CLCN5: variants seen among roughly 807,000 people sequenced by gnomAD.
CLCN5 encodes the protein H(+)/Cl(-) exchange transporter 5.
Under a neutral mutation model 54.0 loss-of-function variants are expected in CLCN5, and 17 were observed. The observed-to-expected ratio is 0.31, with a 90% CI of 0.22 to 0.47. CLCN5 has a LOEUF of 0.47. Ranked by LOEUF, CLCN5 falls within the 20% of genes least tolerant of loss-of-function variation. CLCN5 has a pLI of 1.00. For synonymous variants in CLCN5, 222 were observed against 233.0 expected (o/e 0.95, Z 0.43); for missense variants, 448 against 646.7 (o/e 0.69, Z 3.33).
intron 4 of CLCN5, among the ~76,000 whole-genome samples, chrX:50,048,193 G>A (rs1289477108): frequency 2.7e-5 from 3 of 112,134 alleles, no homozygotes; most frequent in African/African-American, 9.7e-5. Context: ...TACATCCCTC[G>A]CATGCGCAGT....
chrX:50,084,325 G>A (rs1933814882), intron 9 of CLCN5, among the ~76,000 whole-genome samples: 1 of 111,847 alleles, frequency 8.9e-6, no homozygotes, highest in Non-Finnish European at 1.9e-5. Flanking sequence ...GTCCATCATT[G>A]ACTGAAACGT....
intron 3 of CLCN5, among the ~76,000 whole-genome samples, chrX:49,975,587 A>G (rs1381596185): frequency 9.0e-6 from 1 of 110,635 alleles, no homozygotes; most frequent in Non-Finnish European, 1.9e-5. Context: ...CCTTTTGTCT[A>G]GCCAACTCCT....
At chrX:49,946,823 C>CT (rs111813141) in intron 3 of CLCN5, among the ~76,000 whole-genome samples, 5 of 109,109 alleles carry the variant, frequency 4.6e-5, no homozygotes, top group Admixed American at 9.7e-5. Context: ...TTTTCTTTTT[C>CT]TTTTTTTTTA....
At chrX:49,952,804 A>G (rs1426571662) in intron 3 of CLCN5, among the ~76,000 whole-genome samples, 2 of 112,175 alleles carry the variant, frequency 1.8e-5, no homozygotes, top group East Asian at 5.5e-4. Context: ...ATAAGAAACA[A>G]CAAATTTTAA....
At chrX:49,937,962 T>A (rs1194985567) in intron 3 of CLCN5, among the ~76,000 whole-genome samples, 1 of 111,167 alleles carries the variant, frequency 9.0e-6, no homozygotes, top group East Asian at 2.8e-4. Flanking sequence ...TCTAGCTCAG[T>A]CTCCCCCAAA....
At chrX:49,995,534 A>C (rs1602024271) in intron 3 of CLCN5, among the ~76,000 whole-genome samples, 2 of 111,872 alleles carry the variant, frequency 1.8e-5, no homozygotes, top group East Asian at 5.6e-4. Flanking sequence ...TGAGCGAGTC[A>C]TAGCAGAGAC....
chrX:50,047,553 C>T (rs1326720331), intron 4 of CLCN5, among the ~76,000 whole-genome samples: 3 of 110,766 alleles, frequency 2.7e-5, no homozygotes, highest in Non-Finnish European at 3.8e-5. Context: ...CTAATTTTTC[C>T]CCCACTTACT....
rs34800648 is a variant in CLCN5 at position 50,080,626 on chromosome X, G to C, written c.636G>C (p.Met212Ile). The change falls in exon 8 of 15, where the codon ATG becomes ATC. Residue 212 changes from methionine to isoleucine, a missense_variant. Around this residue, in one of 5 missense-constraint regions of CLCN5, gnomAD observed 40 missense variants for 27.8 expected, o/e 1.44. Coordinates refer to ENST00000376091, the MANE Select transcript of CLCN5 (RefSeq NM_001127898.4). ...GAFAYIVNYFMYVLWALLFAF... is the reference protein window; with the variant it reads ...GAFAYIVNYFIYVLWALLFAF... ...TTGCCTACATAGTCAATTATTTCAT[G>C]TACGTCCTCTGGGCTCTCCTATTTG... 1.7e-6 allele frequency: 2 copies of C among 1,206,859 alleles called. No individual in the cohort carries two copies. The highest frequency in any genetic ancestry group is 2.2e-6 in the Non-Finnish European group (2 of 892,248).
intron 3 of CLCN5, among the ~76,000 whole-genome samples, chrX:50,035,024 T>G (rs1931924461): frequency 9.0e-6 from 1 of 111,521 alleles, no homozygotes; most frequent in Non-Finnish European, 1.9e-5. Flanking sequence ...TATCCATTTG[T>G]TCATAGACAC....
At chrX:49,965,806 G>T (rs1443827275) in intron 3 of CLCN5, among the ~76,000 whole-genome samples, 2 of 111,798 alleles carry the variant, frequency 1.8e-5, no homozygotes, top group Non-Finnish European at 3.8e-5. Context: ...TTACTGAGAG[G>T]TATTTTAAAA....
intron 4 of CLCN5, among the ~76,000 whole-genome samples, chrX:50,064,566 G>A (rs1222743141): frequency 3.4e-4 from 33 of 96,688 alleles, no homozygotes; most frequent in Non-Finnish European, 2.7e-4. Flanking sequence ...AATCAATATC[G>A]TGAAAATGGC....
chrX:50,038,592 G>A (rs1219711320), intron 3 of CLCN5, among the ~76,000 whole-genome samples: 2 of 112,030 alleles, frequency 1.8e-5, no homozygotes, highest in Admixed American at 9.4e-5. Flanking sequence ...AGAGTGTCAA[G>A]ATCATGAACC....
chrX:49,946,000 G>A lies in CLCN5; in HGVS notation c.16+20686G>A, dbSNP rs187722602. 1.3e-4 allele frequency among the ~76,000 whole-genome samples: 14 copies of A among 110,188 alleles called. No individual in the cohort carries two copies. The East Asian group carries it at 3.4e-3, about 27-fold the overall frequency. On this transcript the variant is annotated intron_variant, in intron 3 of 14. Transcript: ENST00000376091. ...TTGAACTCCTGAGCTCAAGCAATCCGCCCACCTCGGCCTCCCAAAGTGCTA... is the reference window on the plus strand; with the variant it reads ...TTGAACTCCTGAGCTCAAGCAATCCACCCACCTCGGCCTCCCAAAGTGCTA...
intron 3 of CLCN5, among the ~76,000 whole-genome samples, chrX:50,014,937 G>A (rs1425677057): frequency 2.7e-5 from 3 of 111,533 alleles, no homozygotes; most frequent in Non-Finnish European, 5.6e-5. Context: ...GGTGGTGGGC[G>A]GGAACCAGAG....
intron 3 of CLCN5, among the ~76,000 whole-genome samples, chrX:49,985,375 G>A (rs781988012): frequency 8.9e-6 from 1 of 111,792 alleles, no homozygotes; most frequent in East Asian, 2.8e-4. Flanking sequence ...ATGTCTTTGT[G>A]TTTGACTATA....
chrX:49,927,991 T>A (rs1925436763), intron 3 of CLCN5, among the ~76,000 whole-genome samples: 1 of 111,998 alleles, frequency 8.9e-6, no homozygotes. Context: ...AATGGTGGTT[T>A]CCAGAGGCTG....
chrX:49,947,231 C>T (rs1926806326), intron 3 of CLCN5, among the ~76,000 whole-genome samples: 1 of 111,708 alleles, frequency 9.0e-6, no homozygotes, highest in South Asian at 3.8e-4. Flanking sequence ...TTTTCATCTA[C>T]TTACAAAGAT....
rs781890082 is a variant in CLCN5, at chrX:50,002,159, C to CG, written c.17-40157_17-40156insG. On this transcript the variant is annotated intron_variant, in intron 3 of 14. Coordinates refer to ENST00000376091, the MANE Select transcript of CLCN5 (RefSeq NM_001127898.4). ...GCTGTTCTCATCTTGTCTTGCAACT[C>CG]TAAGTACCATTTTATGTGGATGATT... 1.1e-4 allele frequency among the ~76,000 whole-genome samples: 12 copies of CG among 109,350 alleles called. No individual in the cohort carries two copies. In the East Asian group the frequency reaches 3.4e-3, roughly 31 times the overall value. 95.0% of individuals were successfully genotyped at this position (109,350 alleles called of 115,157 possible).
At chrX:50,088,547 TACAC>T in intron 11 of CLCN5, 147 bp from the exon 12 acceptor site, 1 of 544,623 alleles carries the variant, frequency 1.8e-6, no homozygotes, top group Non-Finnish European at 3.2e-6. Context: ...CCTGTAGTGT[TACAC>T]ACACCTTTAC....
Sources: allele counts gnomAD v4.1 joint callset (sites outside exome capture counted in the v4.1 genomes callset), GRCh38; gene constraint gnomAD v4.1.1; regional missense constraint gnomAD v4.1.1; transcripts MANE v1.5; gene names NCBI Gene and HGNC (gene_info 2026-07-23, HGNC 2026-07-21).